Variants in HMGXB3 observed in about 807,000 individuals in gnomAD.
HMGXB3 encodes HMG domain-containing protein 3.
HMGXB3 carries 45 observed loss-of-function variants against 121.5 expected under a neutral mutation model. That is an observed-to-expected ratio of 0.37 (90% CI 0.29 to 0.47). HMGXB3 has a LOEUF of 0.47. Among genes scored for constraint, HMGXB3 ranks in the 20% least tolerant of loss-of-function variants. The pLI is 0.99. For missense variants in HMGXB3, 1,376 were observed against 1,602.2 expected (o/e 0.86, Z 2.41); for synonymous variants, 590 against 624.1 (o/e 0.95, Z 0.81).
In HMGXB3 at chr5:150,013,538, A is replaced by T. The variant is rs72832121; in HGVS notation, c.909+1185A>T. On this transcript the variant is annotated intron_variant, in intron 5 of 19. Transcript: ENST00000502717. Reference sequence around the variant, plus strand: ...TATACAGTCTCTGTCCACTTTTCATATCAGGGTAATGCTTGCCTCTTAAAA... The same window carrying T: ...TATACAGTCTCTGTCCACTTTTCATTTCAGGGTAATGCTTGCCTCTTAAAA... Among the ~76,000 whole-genome samples, 687 of 152,292 alleles carry T rather than the reference A, an allele frequency of 4.5e-3. 2 individuals are homozygous for T. Among genetic ancestry groups the T allele is most frequent in the Non-Finnish European group, 6.5e-3 (444 of 68,036 alleles).
At chr5:150,050,514 C>T (rs780587408) in intron 19 of HMGXB3, 53 bp downstream of exon 19, 5 of 1,378,518 alleles carry the variant, frequency 3.6e-6, no homozygotes, top group Non-Finnish European at 4.0e-6. Context: ...CCATGTCTTG[C>T]TCTGTCACCC....
chr5:150,028,526 T>TGC, intron 9 of HMGXB3, among the ~76,000 whole-genome samples: 1 of 65,764 alleles, frequency 1.5e-5, no homozygotes, highest in East Asian at 4.0e-4. Context: ...TGTGTGTGTG[T>TGC]GTGTGTGTGT....
chr5:150,011,844 T>A lies in HMGXB3; in HGVS notation c.811-411T>A, dbSNP rs189521140. ...CCAGGCTGGTCTTGAACTCCTGACC[T>A]CAGGTGATCCGCCCGCCTCGGCCTC... is the stretch of plus-strand genomic sequence containing the variant. On this transcript the variant is annotated intron_variant, in intron 4 of 19. Coordinates refer to ENST00000502717, the MANE Select transcript of HMGXB3 (RefSeq NM_014983.3). 9.6e-3 allele frequency among the ~76,000 whole-genome samples: 1,460 copies of A among 151,996 alleles called. 12 individuals carry two copies. The highest frequency in any genetic ancestry group is 0.015 in the Non-Finnish European group (1,008 of 67,938).
At chr5:150,010,084 C>A in intron 3 of HMGXB3, 27 bp from the exon 4 acceptor site, 3 of 1,539,608 alleles carry the variant, frequency 1.9e-6, no homozygotes, top group Non-Finnish European at 2.6e-6. Context: ...CTGCTTGTCT[C>A]CCCCTTCCTG....
At chr5:150,040,515 A>G (rs921552489) in intron 13 of HMGXB3, among the ~76,000 whole-genome samples, 2 of 151,354 alleles carry the variant, frequency 1.3e-5, no homozygotes, top group African/African-American at 4.9e-5. Flanking sequence ...TGCTGAGACT[A>G]CAGGCATGAG....
intron 5 of HMGXB3, among the ~76,000 whole-genome samples, chr5:150,012,958 T>C (rs1438795815): frequency 1.3e-5 from 2 of 152,252 alleles, no homozygotes; most frequent in Non-Finnish European, 2.9e-5. Flanking sequence ...TTCTACAACT[T>C]TGCTTAACTC....
chr5:150,028,531 GTGTGTGTGTGTATATA>G (rs1756292843), intron 9 of HMGXB3, among the ~76,000 whole-genome samples: 1 of 63,068 alleles, frequency 1.6e-5, no homozygotes, highest in African/African-American at 8.9e-5. Context: ...GTGTGTGTGT[GTGTGTGTGTGTATATA>G]TATATATATA....
Position 150,027,036 on chromosome 5 carries a change from G to A in HMGXB3, c.1653G>A (p.Val551=). Residue 551 remains valine, a synonymous_variant, in exon 9 of 20, where the codon GTG becomes GTA. Coordinates refer to ENST00000502717, the MANE Select transcript of HMGXB3 (RefSeq NM_014983.3). ...AFSLSDKTPS[V]RTCGLKPSTL... ...TTCTCTCAGATAAGACTCCCTCTGT[G>A]AGGACTTGTGGTCTGAAGCCAAGCA... 1 of 1,551,722 alleles carries A rather than the reference G, an allele frequency of 6.4e-7. No individual in the cohort carries two copies. The highest frequency in any genetic ancestry group is 8.7e-7 in the Non-Finnish European group (1 of 1,146,990).
chr5:150,011,183 G>A (rs1755826641), intron 4 of HMGXB3, among the ~76,000 whole-genome samples: 1 of 152,136 alleles, frequency 6.6e-6, no homozygotes, highest in African/African-American at 2.4e-5. Flanking sequence ...GGATTCAGAT[G>A]GGGTAGGAAG....
At chr5:150,023,341 C>T (rs1466861966) in intron 6 of HMGXB3, among the ~76,000 whole-genome samples, 1 of 152,050 alleles carries the variant, frequency 6.6e-6, no homozygotes, top group African/African-American at 2.4e-5. Context: ...ACTGAGAGCC[C>T]AACCCTTTGC....
intron 9 of HMGXB3, among the ~76,000 whole-genome samples, chr5:150,027,911 A>G (rs1741414643): frequency 6.6e-6 from 1 of 152,200 alleles, no homozygotes; most frequent in Non-Finnish European, 1.5e-5. Flanking sequence ...TCCCATTCAT[A>G]TTCCAAATTG....
At chr5:150,049,792 C>G (rs925376947) in intron 18 of HMGXB3, among the ~76,000 whole-genome samples, 10 of 152,176 alleles carry the variant, frequency 6.6e-5, no homozygotes, top group African/African-American at 2.4e-4. Flanking sequence ...GGATTCCCAT[C>G]TGGGCAACAA....
chr5:150,025,867 G>A (rs768873881), intron 7 of HMGXB3, among the ~76,000 whole-genome samples: 6 of 150,552 alleles, frequency 4.0e-5, no homozygotes, highest in African/African-American at 7.4e-5. Context: ...ATGGAATCTC[G>A]CTCTGTCGCC....
chr5:150,023,359 T>C (rs1251653816), intron 6 of HMGXB3, among the ~76,000 whole-genome samples: 1 of 152,152 alleles, frequency 6.6e-6, no homozygotes, highest in African/African-American at 2.4e-5. Flanking sequence ...TGCTATTTCA[T>C]AAGGGGAAAT....
chr5:150,029,256 T>C (rs370047301), intron 9 of HMGXB3, among the ~76,000 whole-genome samples: 1 of 152,142 alleles, frequency 6.6e-6, no homozygotes, highest in South Asian at 2.1e-4. Context: ...AAATTTTCTG[T>C]GTGTCCAAAT....
At chr5:150,026,607 C>G in intron 7 of HMGXB3, 99 bp from the exon 8 acceptor site, 2 of 1,035,876 alleles carry the variant, frequency 1.9e-6, no homozygotes, top group Non-Finnish European at 1.4e-6. Flanking sequence ...ACAGTTTAAC[C>G]CCAATACTAT....
At chr5:150,003,080 C>T (rs1305299476) in intron 1 of HMGXB3, among the ~76,000 whole-genome samples, 1 of 152,176 alleles carries the variant, frequency 6.6e-6, no homozygotes, top group East Asian at 1.9e-4. Flanking sequence ...GAGGTGGAGA[C>T]TGCAGTGAGA....
intron 4 of HMGXB3, among the ~76,000 whole-genome samples, chr5:150,011,680 C>T (rs1755844599): frequency 6.7e-6 from 1 of 149,744 alleles, no homozygotes; most frequent in South Asian, 2.1e-4. Flanking sequence ...TCTCGGCTCA[C>T]TGCAACCTCC....
chr5:150,018,796 T>G (rs1756016739), intron 6 of HMGXB3, 99 bp downstream of exon 6: 2 of 1,146,670 alleles, frequency 1.7e-6, no homozygotes, highest in African/African-American at 3.1e-5. Context: ...ACATTTGTTT[T>G]TACTGTCTGA....
Sources: gnomAD v4.1 joint callset for allele counts (sites outside exome capture counted in the v4.1 genomes callset) on GRCh38, gnomAD v4.1.1 for gene constraint, MANE v1.5 for transcripts, NCBI Gene and HGNC (gene_info 2026-07-23, HGNC 2026-07-21) for gene names.